Variants in ZNF892 observed in about 807,000 individuals in gnomAD.
The protein encoded by ZNF892 is zinc finger protein 570-like.
the ZNF892 span, chr2:95,215,408 A>C: frequency 2.3e-6 from 1 of 439,918 alleles, no homozygotes; most frequent in African/African-American, 2.0e-5. Context: ...GCCAGAGCTC[A>C]TCTCTTACAA....
the ZNF892 span, among the ~76,000 whole-genome samples, chr2:95,252,130 A>T: frequency 3.3e-5 from 5 of 152,116 alleles, no homozygotes; most frequent in African/African-American, 1.2e-4. Context: ...ACATGTGCAC[A>T]ATGTGCAGGT....
the ZNF892 span, among the ~76,000 whole-genome samples, chr2:95,210,315 G>A: frequency 1.3e-5 from 2 of 151,450 alleles, no homozygotes; most frequent in African/African-American, 4.8e-5. Context: ...TTTAAAGAGC[G>A]GTAAAACTGA....
the ZNF892 span, among the ~76,000 whole-genome samples, chr2:95,229,263 G>A: frequency 6.6e-6 from 1 of 152,142 alleles, no homozygotes; most frequent in African/African-American, 2.4e-5. Context: ...ATGGGTCCAT[G>A]GATTCCTTTT....
the ZNF892 span, among the ~76,000 whole-genome samples, chr2:95,232,949 G>T: frequency 6.6e-6 from 1 of 152,076 alleles, no homozygotes; most frequent in Non-Finnish European, 1.5e-5. Flanking sequence ...TTGAATTCTT[G>T]GCAAAAGGCA....
the ZNF892 span, among the ~76,000 whole-genome samples, chr2:95,240,344 C>T: frequency 6.6e-6 from 1 of 152,222 alleles, no homozygotes; most frequent in African/African-American, 2.4e-5. Context: ...CACACAGGAG[C>T]AGCACAGAGC....
At chr2:95,217,072 G>A in the ZNF892 span, among the ~76,000 whole-genome samples, 1 of 152,164 alleles carries the variant, frequency 6.6e-6, no homozygotes, top group African/African-American at 2.4e-5. Flanking sequence ...TCTGCTTCTA[G>A]TGAGGGCTTT....
At chr2:95,225,227 T>A in the ZNF892 span, among the ~76,000 whole-genome samples, 1 of 152,250 alleles carries the variant, frequency 6.6e-6, no homozygotes, top group Admixed American at 6.5e-5. Context: ...GATAGTACTT[T>A]TTTTATGTGG....
chr2:95,209,308 G>A, the ZNF892 span, among the ~76,000 whole-genome samples: 1 of 152,178 alleles, frequency 6.6e-6, no homozygotes, highest in South Asian at 2.1e-4. Flanking sequence ...TTCCGAGGAT[G>A]TGTGGATGTG....
chr2:95,227,647 T>C, the ZNF892 span, among the ~76,000 whole-genome samples: 1 of 152,108 alleles, frequency 6.6e-6, no homozygotes, highest in Non-Finnish European at 1.5e-5. Context: ...ACAGGGTCTC[T>C]GCTCTGTTGC....
the ZNF892 span, among the ~76,000 whole-genome samples, chr2:95,229,913 T>C: frequency 6.6e-6 from 1 of 152,222 alleles, no homozygotes; most frequent in Non-Finnish European, 1.5e-5. Context: ...AGGCATGAGT[T>C]CCAGTTTGTC....
At chr2:95,256,610 TG>T in the ZNF892 span, among the ~76,000 whole-genome samples, 2 of 152,218 alleles carry the variant, frequency 1.3e-5, no homozygotes, top group South Asian at 2.1e-4. Flanking sequence ...TGAATTTGAA[TG>T]TTGGCCTGCC....
At chr2:95,221,497 T>G in the ZNF892 span, among the ~76,000 whole-genome samples, 1 of 152,206 alleles carries the variant, frequency 6.6e-6, no homozygotes, top group Non-Finnish European at 1.5e-5. Context: ...GAATTTTAGT[T>G]GCATTCATCT....
the ZNF892 span, among the ~76,000 whole-genome samples, chr2:95,243,085 C>T: frequency 6.6e-5 from 10 of 152,318 alleles, no homozygotes; most frequent in Admixed American, 2.0e-4. Flanking sequence ...CTCCTAACCG[C>T]GAGTGATCCG....
the ZNF892 span, chr2:95,208,791 T>C: frequency 2.5e-6 from 1 of 398,564 alleles, no homozygotes; most frequent in Non-Finnish European, 4.4e-6. Flanking sequence ...AGGATGTCTT[T>C]CCTTCCAGTG....
chr2:95,207,781 G>A, the ZNF892 span: 2 of 398,648 alleles, frequency 5.0e-6, no homozygotes, highest in Non-Finnish European at 8.8e-6. Context: ...CCCTGTCGCG[G>A]TTGCCTCCAG....
chr2:95,243,345 T>C, the ZNF892 span, among the ~76,000 whole-genome samples: 1 of 138,850 alleles, frequency 7.2e-6, no homozygotes, highest in Non-Finnish European at 1.5e-5. Flanking sequence ...TCTGCCTGGC[T>C]GCCCAGTCTG....
chr2:95,229,454 T>A, the ZNF892 span, among the ~76,000 whole-genome samples: 15 of 152,194 alleles, frequency 9.9e-5, no homozygotes, highest in Admixed American at 7.9e-4. Flanking sequence ...CCCCACCTCA[T>A]TGTCCCAATG....
the ZNF892 span, chr2:95,207,496 C>G: frequency 3.7e-6 from 1 of 268,246 alleles, no homozygotes; most frequent in South Asian, 1.7e-4. Context: ...GTCAGCCGCG[C>G]CCCGCGGAGG....
At chr2:95,231,922 A>G in the ZNF892 span, 1 of 152,210 alleles carries the variant, frequency 6.6e-6, no homozygotes, top group Non-Finnish European at 1.5e-5. Flanking sequence ...TGTCATCATC[A>G]GTGGTCTTTG....
Sources: gnomAD v4.1 joint callset for allele counts (sites outside exome capture counted in the v4.1 genomes callset) on GRCh38, gnomAD v4.1.1 for gene constraint, MANE v1.5 for transcripts, NCBI Gene and HGNC (gene_info 2026-07-23, HGNC 2026-07-21) for gene names.